Variants in CNTN5 observed in about 807,000 individuals in gnomAD.
CNTN5 encodes contactin-5.
Under a neutral mutation model 129.1 loss-of-function variants are expected in CNTN5, and 77 were observed. The observed-to-expected ratio is 0.60, with a 90% CI of 0.50 to 0.72. CNTN5 has a LOEUF of 0.72. Ranked by LOEUF, CNTN5 falls within the 30% of genes least tolerant of loss-of-function variation. The probability of loss-of-function intolerance (pLI) is 0.00; values close to 1 mark genes in which losing one functional copy is unlikely to be tolerated. For synonymous variants in CNTN5, 509 were observed against 465.6 expected, an observed-to-expected ratio of 1.09 and a Z score of -1.20; for missense variants, 1,478 against 1,328.8, an observed-to-expected ratio of 1.11 and a Z score of -1.75.
intron 1 of CNTN5, among the ~76,000 whole-genome samples, chr11:99,180,099 A>G (rs1171115982): frequency 6.6e-6 from 1 of 152,224 alleles, no homozygotes; most frequent in Non-Finnish European, 1.5e-5. Flanking sequence ...AGACACACAC[A>G]CACTACCTTA....
At chr11:99,338,321 G>A (rs1368130921) in intron 2 of CNTN5, among the ~76,000 whole-genome samples, 1 of 151,940 alleles carries the variant, frequency 6.6e-6, no homozygotes, top group African/African-American at 2.4e-5. Flanking sequence ...ATTGCATTTT[G>A]GTCTTTGCTA....
chr11:99,070,168 A>G (rs1865287013), intron 1 of CNTN5, among the ~76,000 whole-genome samples: 1 of 151,816 alleles, frequency 6.6e-6, no homozygotes, highest in Admixed American at 6.6e-5. Context: ...ATAACTTCAA[A>G]CTGGTTGTGA....
At chr11:100,265,267 C>T (rs190420257) in intron 17 of CNTN5, among the ~76,000 whole-genome samples, 67 of 152,216 alleles carry the variant, frequency 4.4e-4, no homozygotes, top group African/African-American at 1.5e-3. Context: ...TTCTCCAAAA[C>T]GCACCATTAA....
intron 4 of CNTN5, among the ~76,000 whole-genome samples, chr11:99,824,936 T>C (rs928865626): frequency 6.6e-6 from 1 of 151,994 alleles, no homozygotes; most frequent in Admixed American, 6.6e-5. Flanking sequence ...TATTCCTAGA[T>C]CTCATACAGT....
chr11:99,271,984 G>A (rs111338856), intron 1 of CNTN5, among the ~76,000 whole-genome samples: 59 of 151,988 alleles, frequency 3.9e-4, no homozygotes, highest in Non-Finnish European at 7.5e-4. Flanking sequence ...AGTCTCCACT[G>A]GTAGGTGTTA....
chr11:99,610,104 C>G (rs1392198194), intron 3 of CNTN5, among the ~76,000 whole-genome samples: 1 of 152,100 alleles, frequency 6.6e-6, no homozygotes, highest in African/African-American at 2.4e-5. Context: ...CTTTGTCAGT[C>G]TAGTTCAAAA....
intron 13 of CNTN5, among the ~76,000 whole-genome samples, chr11:100,168,815 TAAAAACGTTCTG>T (rs898864520): frequency 3.9e-5 from 6 of 151,956 alleles, no homozygotes; most frequent in African/African-American, 1.4e-4. Flanking sequence ...CAAAGTAAAT[TAAAAACGTTCTG>T]GAAAATGTTT....
At position 99,856,898 on chromosome 11, in the gene CNTN5, ATATC is replaced by A. The variant is rs1461746664; in HGVS notation, c.577+11637_577+11640del. On this transcript the variant is annotated intron_variant, in intron 6 of 24. Coordinates refer to ENST00000524871, the MANE Select transcript of CNTN5 (RefSeq NM_014361.4). ...TAAAAGTATTTCATGCTCATTTATG[ATATC>A]ATGTCTTTATATCATGTTTTCTCTG... 2.0e-5 allele frequency among the ~76,000 whole-genome samples: 3 copies of A among 152,260 alleles called. No individual in the cohort carries two copies. The East Asian group carries it at 5.8e-4, about 29-fold the overall frequency.
intron 3 of CNTN5, among the ~76,000 whole-genome samples, chr11:99,732,447 T>C (rs1943567210): frequency 1.4e-5 from 2 of 142,336 alleles, no homozygotes; most frequent in Non-Finnish European, 3.2e-5. Flanking sequence ...GTACTCAGTA[T>C]AATAACTGAG....
rs199734662 is a variant in CNTN5, at chr11:100,299,164, A to G, written c.2388A>G (p.Pro796=). 6.3e-7 allele frequency: 1 copy of G among 1,576,300 alleles called. No homozygotes were observed. Among genetic ancestry groups the G allele is most frequent in the Non-Finnish European group, 8.7e-7 (1 of 1,153,038 alleles). ...TTAATTATATTTTTCTTCTTTAGCCAGTATCTGAAGAGTTTCAGAATGGGG... is the reference window on the plus strand; with the variant it reads ...TTAATTATATTTTTCTTCTTTAGCCGGTATCTGAAGAGTTTCAGAATGGGG... ...RRHELVIAWE[P]VSEEFQNGEG... The change falls in exon 20 of 25, where the codon CCA becomes CCG. Residue 796 remains proline, a splice_region_variant and synonymous_variant. Coordinates refer to ENST00000524871, the MANE Select transcript of CNTN5 (RefSeq NM_014361.4).
intron 7 of CNTN5, among the ~76,000 whole-genome samples, chr11:99,952,135 C>T (rs1212221204): frequency 6.6e-6 from 1 of 152,234 alleles, no homozygotes; most frequent in Non-Finnish European, 1.5e-5. Context: ...CAGGTTGTCC[C>T]TCATGCTCAG....
chr11:99,313,148 A>T (rs1273155320), intron 1 of CNTN5, among the ~76,000 whole-genome samples: 1 of 151,446 alleles, frequency 6.6e-6, no homozygotes, highest in African/African-American at 2.4e-5. Context: ...TTTCTCTAGG[A>T]TAATATATTC....
intron 2 of CNTN5, among the ~76,000 whole-genome samples, chr11:99,485,834 A>G (rs908201906): frequency 1.3e-5 from 2 of 152,056 alleles, no homozygotes; most frequent in Non-Finnish European, 2.9e-5. Flanking sequence ...GGTAATGAGT[A>G]TAATACTCAA....
intron 8 of CNTN5, among the ~76,000 whole-genome samples, chr11:99,970,185 A>G (rs1174894615): frequency 1.3e-5 from 2 of 152,134 alleles, no homozygotes; most frequent in African/African-American, 2.4e-5. Flanking sequence ...CCTGACACCC[A>G]TATCAGTGGC....
chr11:99,547,317 A>G (rs1565282755), intron 2 of CNTN5, among the ~76,000 whole-genome samples: 3 of 152,154 alleles, frequency 2.0e-5, no homozygotes, highest in Non-Finnish European at 4.4e-5. Context: ...AATTATTTTC[A>G]TTAGCTGAGC....
intron 3 of CNTN5, among the ~76,000 whole-genome samples, chr11:99,646,258 C>T (rs1403580045): frequency 6.6e-6 from 1 of 152,188 alleles, no homozygotes; most frequent in Non-Finnish European, 1.5e-5. Flanking sequence ...GGATAGCAAA[C>T]TACATAAGTA....
At chr11:100,190,836 T>C (rs1324477756) in intron 13 of CNTN5, among the ~76,000 whole-genome samples, 1 of 152,016 alleles carries the variant, frequency 6.6e-6, no homozygotes, top group African/African-American at 2.4e-5. Flanking sequence ...CAAGTTCTAA[T>C]AACCAAACTC....
chr11:99,987,417 C>T (rs1822657182), intron 8 of CNTN5, among the ~76,000 whole-genome samples: 1 of 151,582 alleles, frequency 6.6e-6, no homozygotes, highest in Non-Finnish European at 1.5e-5. Context: ...TATATACACA[C>T]ACAGTATTCA....
At chr11:99,934,926 A>T (rs866969120) in intron 7 of CNTN5, among the ~76,000 whole-genome samples, 2 of 70,182 alleles carry the variant, frequency 2.8e-5, no homozygotes, top group African/African-American at 1.8e-4. Context: ...ATATATATAT[A>T]TATATATATA....
Sources: gnomAD v4.1 joint callset for allele counts (sites outside exome capture counted in the v4.1 genomes callset) on GRCh38, gnomAD v4.1.1 for gene constraint, MANE v1.5 for transcripts, NCBI Gene and HGNC (gene_info 2026-07-23, HGNC 2026-07-21) for gene names.